The following TAX1BP1 variants were observed in gnomAD, a reference collection of about 807,000 sequenced individuals.
TAX1BP1 encodes the protein Tax1 binding protein 1, also known as tax1-binding protein 1.
A neutral mutation model predicts 97.7 loss-of-function variants in TAX1BP1; 62 were observed. The observed-to-expected ratio is 0.63, with a 90% confidence interval of 0.52 to 0.78. TAX1BP1 has a LOEUF of 0.78. TAX1BP1 is among the 30% of genes least tolerant of loss of function. TAX1BP1 has a pLI of 0.00. For missense variants in TAX1BP1, 867 were observed against 916.1 expected, an observed-to-expected ratio of 0.95 and a Z score of 0.69; for synonymous variants, 340 against 304.2, an observed-to-expected ratio of 1.12 and a Z score of -1.23.
chr7:27,764,390 G>C lies in TAX1BP1; in HGVS notation c.266-1444G>C, dbSNP rs75192714. 3.9e-5 allele frequency among the ~76,000 whole-genome samples: 6 copies of C among 152,216 alleles called. No individual in the cohort carries two copies. The South Asian group carries it at 1.0e-3, about 26-fold the overall frequency. The stretch of plus-strand genomic sequence containing the variant: ...CTTGTCTCTCATCTTGGTTTTGCTC[G>C]ATGTTTTCTCATGATTAGATTGAAG... On this transcript the variant is annotated intron_variant, in intron 3 of 16. Transcript: ENST00000396319.
Position 27,792,152 on chromosome 7 carries a change from C to T in TAX1BP1, c.1185C>T (p.Arg395=). ...CGATGGCAGACCTGCATACTGCACG[C>T]TTGGAAAACGAGAAAGTGAAAAAGC... The part of the protein sequence containing the change: ...DRTMADLHTA[R]LENEKVKKQL... Residue 395 remains arginine, a synonymous_variant, in exon 9 of 17, where the codon CGC becomes CGT. Coordinates refer to ENST00000396319, the MANE Select transcript of TAX1BP1 (RefSeq NM_006024.7). 6.2e-7 allele frequency: 1 copy of T among 1,613,972 alleles called. No individual in the cohort carries two copies. The highest frequency in any genetic ancestry group is 8.5e-7 in the Non-Finnish European group (1 of 1,180,014).
chr7:27,763,473 A>C (rs938125876), intron 3 of TAX1BP1, among the ~76,000 whole-genome samples: 21 of 152,160 alleles, frequency 1.4e-4, no homozygotes, highest in African/African-American at 5.1e-4. Context: ...TTTTTAAAGA[A>C]TCAGACCTTG....
intron 15 of TAX1BP1, among the ~76,000 whole-genome samples, chr7:27,823,686 G>GT (rs879595657): frequency 1.3e-5 from 2 of 152,172 alleles, no homozygotes; most frequent in Admixed American, 1.3e-4. Flanking sequence ...ATATAGTTCT[G>GT]TAATGTTAAC....
At chr7:27,797,875 G>T (rs1250983813) in intron 12 of TAX1BP1, among the ~76,000 whole-genome samples, 2 of 150,588 alleles carry the variant, frequency 1.3e-5, no homozygotes, top group East Asian at 3.9e-4. Context: ...CCATATTGAG[G>T]TATAATTGAA....
chr7:27,760,373 T>G (rs776265235), intron 3 of TAX1BP1, among the ~76,000 whole-genome samples: 1 of 151,498 alleles, frequency 6.6e-6, no homozygotes, highest in Non-Finnish European at 1.5e-5. Flanking sequence ...GGATAAACAT[T>G]TCTAGTATTA....
In TAX1BP1 at chr7:27,828,698, G is replaced by T; in HGVS notation, c.2239G>T (p.Glu747Ter). ...FPPNYDQSKF[E>*]EHVESHWKVC... ...TCCTAACTATGATCAGAGCAAATTTGAAGAACATGTTGAAAGTCACTGGAA... is the reference window on the plus strand; with the variant it reads ...TCCTAACTATGATCAGAGCAAATTTTAAGAACATGTTGAAAGTCACTGGAA... Residue 747 changes from glutamate to a stop codon, truncating the protein, a stop_gained, in exon 17 of 17, where the codon GAA becomes TAA. Coordinates refer to ENST00000396319, the MANE Select transcript of TAX1BP1 (RefSeq NM_006024.7). LOFTEE classifies it high-confidence loss of function. The T allele has an allele frequency of 6.2e-7, 1 of 1,614,074 alleles. No individual in the cohort carries two copies. The highest frequency in any genetic ancestry group is 8.5e-7 in the Non-Finnish European group (1 of 1,179,986).
At chr7:27,801,031 G>C (rs1011056140) in intron 13 of TAX1BP1, among the ~76,000 whole-genome samples, 1 of 150,792 alleles carries the variant, frequency 6.6e-6, no homozygotes, top group Non-Finnish European at 1.5e-5. Flanking sequence ...TTGAACCCTG[G>C]AGGCGGAGGT....
In TAX1BP1 at chr7:27,771,475, A is replaced by G. The variant is rs886636768; in HGVS notation, c.612+1641A>G. Reference sequence around the variant, plus strand: ...GATAGGCCTTCATTTGTGTGAAATTACATATATATATACACACACACACAT... The same window carrying G: ...GATAGGCCTTCATTTGTGTGAAATTGCATATATATATACACACACACACAT... On this transcript the variant is annotated intron_variant, in intron 5 of 16. Coordinates refer to ENST00000396319, the MANE Select transcript of TAX1BP1 (RefSeq NM_006024.7). Among the ~76,000 whole-genome samples, 4 of 152,004 alleles carry G rather than the reference A, an allele frequency of 2.6e-5. No homozygotes were observed. The South Asian group carries it at 8.3e-4, about 31-fold the overall frequency.
intron 8 of TAX1BP1, among the ~76,000 whole-genome samples, chr7:27,788,717 T>C (rs563805934): frequency 6.6e-6 from 1 of 152,064 alleles, no homozygotes; most frequent in Non-Finnish European, 1.5e-5. Flanking sequence ...TGTCCTGATA[T>C]GTTCCTATAA....
Position 27,794,393 on chromosome 7 carries a change from C to T in TAX1BP1, c.1481C>T (p.Thr494Ile), listed in dbSNP as rs1789840611. Residue 494 changes from threonine to isoleucine, a missense_variant, in exon 11 of 17, where the codon ACA (threonine) becomes ATA (isoleucine). Thr to Ile is a moderately conservative substitution (Grantham distance 89). Around this residue, in one of 3 missense-constraint regions of TAX1BP1, gnomAD observed 822 missense variants for 851.4 expected, o/e 0.97. Coordinates refer to ENST00000396319, the MANE Select transcript of TAX1BP1 (RefSeq NM_006024.7). ...QQKVNDASVN[T>I]DPATSASTVD... The stretch of plus-strand genomic sequence containing the variant: ...AAAGTGAATGATGCTTCAGTAAACA[C>T]AGACCCAGCCACTTCTGCCTCTACT... The T allele has an allele frequency of 1.9e-6, 3 of 1,613,096 alleles. No individual in the cohort carries two copies. The highest frequency in any genetic ancestry group is 1.3e-5 in the African/African-American group (1 of 74,910).
intron 3 of TAX1BP1, 141 bp from the exon 4 acceptor site, chr7:27,765,692 AT>A (rs1278302505): frequency 2.2e-5 from 16 of 726,252 alleles, no homozygotes; most frequent in Non-Finnish European, 2.9e-5. Context: ...AGTTTTGATA[AT>A]TTGCGAAAGG....
At chr7:27,822,044 A>G (rs1790997823) in intron 15 of TAX1BP1, among the ~76,000 whole-genome samples, 1 of 152,208 alleles carries the variant, frequency 6.6e-6, no homozygotes, top group Non-Finnish European at 1.5e-5. Flanking sequence ...GGGTGGTTAG[A>G]TTGAGCATCC....
At chr7:27,819,776 A>C (rs1218508062) in intron 15 of TAX1BP1, among the ~76,000 whole-genome samples, 1 of 152,210 alleles carries the variant, frequency 6.6e-6, no homozygotes, top group African/African-American at 2.4e-5. Context: ...TTGTAAGTCT[A>C]ACCATTGTAT....
At position 27,794,005 on chromosome 7, in the gene TAX1BP1, T is replaced by C. The variant is rs780889219; in HGVS notation, c.1411-318T>C. Among the ~76,000 whole-genome samples the C allele has an allele frequency of 2.6e-5, 4 of 152,234 alleles. No individual in the cohort carries two copies. In the South Asian group the frequency reaches 8.3e-4, roughly 31 times the overall value. ...ATACTTTAAGTATGACTCACTCACA[T>C]GTATGAATTTGGCCTGGGGCCTTTT... On this transcript the variant is annotated intron_variant, in intron 10 of 16. Coordinates refer to ENST00000396319, the MANE Select transcript of TAX1BP1 (RefSeq NM_006024.7).
chr7:27,828,840 TTA>T lies in TAX1BP1; in HGVS notation c.*13_*14del. ...CTAAATTTTGACTAGTTACTTTTTA[TTA>T]TGAGTTAATATAGTTTAGCAGTAAA... On this transcript the variant is annotated 3_prime_UTR_variant, in exon 17 of 17. Coordinates refer to ENST00000396319, the MANE Select transcript of TAX1BP1 (RefSeq NM_006024.7). The T allele has an allele frequency of 3.8e-6, 6 of 1,599,134 alleles. No homozygotes were observed. The highest frequency in any genetic ancestry group is 1.4e-5 in the African/African-American group (1 of 73,926).
At chr7:27,765,725 C>A in intron 3 of TAX1BP1, 109 bp from the exon 4 acceptor site, 1 of 942,510 alleles carries the variant, frequency 1.1e-6, no homozygotes, top group Non-Finnish European at 1.6e-6. Context: ...ATCCCAGATT[C>A]TTGTCAAGAA....
At chr7:27,766,413 C>G (rs1341100883) in intron 4 of TAX1BP1, among the ~76,000 whole-genome samples, 1 of 93,180 alleles carries the variant, frequency 1.1e-5, no homozygotes, top group Non-Finnish European at 2.0e-5. Context: ...GAGCGAGACT[C>G]CGTATCAAAA....
chr7:27,813,303 A>G lies in TAX1BP1; in HGVS notation c.1765-3046A>G, dbSNP rs747919061. 5.3e-5 allele frequency among the ~76,000 whole-genome samples: 8 copies of G among 151,368 alleles called. No homozygotes were observed. In the South Asian group the frequency reaches 1.3e-3, roughly 24 times the overall value. On this transcript the variant is annotated intron_variant, in intron 13 of 16. Transcript: ENST00000396319. ...GCCTCTGAAATAGCTGACTACAGGC[A>G]TGTGCCACTGTACCTGGCTAAATTT...
intron 1 of TAX1BP1, among the ~76,000 whole-genome samples, chr7:27,748,062 A>G (rs1272476015): frequency 6.6e-6 from 1 of 152,138 alleles, no homozygotes; most frequent in Non-Finnish European, 1.5e-5. Context: ...ATGAAGCCCA[A>G]GGGTTCTACA....
Sources: gnomAD v4.1 joint callset for allele counts (sites outside exome capture counted in the v4.1 genomes callset) on GRCh38, gnomAD v4.1.1 for gene constraint, gnomAD v4.1.1 regional missense constraint, MANE v1.5 for transcripts, NCBI Gene and HGNC (gene_info 2026-07-23, HGNC 2026-07-21) for gene names.